The following AOPEP variants were observed in gnomAD, a reference collection of about 807,000 sequenced individuals.
The protein encoded by AOPEP is aminopeptidase O (putative).
A neutral mutation model predicts 98.1 loss-of-function variants in AOPEP; 77 were observed. The observed-to-expected ratio is 0.78, with a 90% CI of 0.65 to 0.95. AOPEP has a LOEUF of 0.95. Ranked by LOEUF, AOPEP falls within the 40% of genes least tolerant of loss-of-function variation. AOPEP has a pLI of 0.00. For missense variants in AOPEP, 1,024 were observed against 1,024.7 expected (o/e 1.00, Z 0.01); for synonymous variants, 346 against 365.3 (o/e 0.95, Z 0.60).
chr9:94,775,798 C>A (rs1249286050), intron 3 of AOPEP, among the ~76,000 whole-genome samples: 1 of 151,936 alleles, frequency 6.6e-6, no homozygotes, highest in Non-Finnish European at 1.5e-5. Flanking sequence ...CACGGTGAAA[C>A]CCCATCTCTA....
intron 7 of AOPEP, among the ~76,000 whole-genome samples, chr9:94,948,431 T>TTTTTTTTTTTTTGAGAC: frequency 6.6e-6 from 1 of 151,274 alleles, no homozygotes; most frequent in African/African-American, 2.5e-5. Flanking sequence ...TTCTAACTCT[T>TTTTTTTTTTTTTGAGAC]GTAGTTCATC....
intron 9 of AOPEP, among the ~76,000 whole-genome samples, chr9:94,961,696 A>G (rs1053789816): frequency 2.6e-5 from 4 of 151,524 alleles, no homozygotes; most frequent in East Asian, 2.0e-4. Context: ...TTATGTTTTT[A>G]TTTTTTCTGT....
chr9:94,960,984 G>C (rs7864171), intron 9 of AOPEP, among the ~76,000 whole-genome samples: 4 of 150,002 alleles, frequency 2.7e-5, no homozygotes, highest in African/African-American at 4.9e-5. Flanking sequence ...ACTGCACTCC[G>C]GCCTGGGCGA....
chr9:94,816,294 G>A (rs1470876011), intron 5 of AOPEP, among the ~76,000 whole-genome samples: 1 of 152,158 alleles, frequency 6.6e-6, no homozygotes, highest in Non-Finnish European at 1.5e-5. Context: ...ATAAGCCTTG[G>A]CCTCCACGCA....
intron 13 of AOPEP, among the ~76,000 whole-genome samples, chr9:95,032,961 T>TA (rs2064448321): frequency 6.6e-6 from 1 of 152,184 alleles, no homozygotes; most frequent in Non-Finnish European, 1.5e-5. Context: ...GCTAGAACAC[T>TA]AGAGTTCATT....
intron 2 of AOPEP, among the ~76,000 whole-genome samples, chr9:94,763,997 C>A (rs1469842797): frequency 6.6e-6 from 1 of 152,150 alleles, no homozygotes; most frequent in Non-Finnish European, 1.5e-5. Context: ...GTGGACTATA[C>A]AGTCAGTGAC....
chr9:94,822,993 CTT>C lies in AOPEP; in HGVS notation c.1364+22003_1364+22004del, dbSNP rs11315524. ...CAATTTCACTCACCTGTCCCCTAAT[CTT>C]TTTTTTTTTTTCTTTTGTGAGATGG... On this transcript the variant is annotated intron_variant, in intron 5 of 16. Coordinates refer to ENST00000375315, the MANE Select transcript of AOPEP (RefSeq NM_001193329.3). Among the ~76,000 whole-genome samples, 93 of 146,300 alleles carry C rather than the reference CTT, an allele frequency of 6.4e-4. 1 individual carries two copies. Among genetic ancestry groups the C allele is most frequent in the African/African-American group, 1.1e-3 (43 of 39,898 alleles).
intron 10 of AOPEP, among the ~76,000 whole-genome samples, chr9:94,969,561 C>G (rs1337344460): frequency 1.3e-5 from 2 of 152,044 alleles, no homozygotes; most frequent in Non-Finnish European, 2.9e-5. Context: ...GCGCCCGCCA[C>G]CACGCCCGGC....
intron 11 of AOPEP, among the ~76,000 whole-genome samples, chr9:94,998,708 A>G (rs1476325256): frequency 1.3e-5 from 2 of 152,244 alleles, no homozygotes; most frequent in Admixed American, 6.5e-5. Context: ...TCCTGAGGAC[A>G]GGGACAACGT....
chr9:94,890,518 G>A (rs1457267842), intron 5 of AOPEP, among the ~76,000 whole-genome samples: 1 of 152,150 alleles, frequency 6.6e-6, no homozygotes, highest in African/African-American at 2.4e-5. Context: ...AGTGATTTGT[G>A]TTCTAATCTT....
intron 16 of AOPEP, among the ~76,000 whole-genome samples, chr9:95,084,232 CTAA>C (rs1441407807): frequency 6.6e-6 from 1 of 152,148 alleles, no homozygotes; most frequent in East Asian, 1.9e-4. Context: ...GAGTTTTCTT[CTAA>C]TGTTTTGTGC....
intron 14 of AOPEP, among the ~76,000 whole-genome samples, chr9:95,064,324 T>G (rs1415677288): frequency 6.6e-6 from 1 of 152,244 alleles, no homozygotes; most frequent in Non-Finnish European, 1.5e-5. Flanking sequence ...AGACGGAGTC[T>G]CGCTGTGTCT....
chr9:94,973,001 G>A (rs1249173749), intron 10 of AOPEP, among the ~76,000 whole-genome samples: 2 of 152,214 alleles, frequency 1.3e-5, no homozygotes, highest in East Asian at 3.9e-4. Flanking sequence ...CATGTAGAGA[G>A]GGAATTTAAA....
the AOPEP span, chr9:95,111,012 C>T: frequency 7.0e-7 from 1 of 1,435,606 alleles, no homozygotes; most frequent in Non-Finnish European, 9.1e-7. Flanking sequence ...GATCTGTTGA[C>T]TGATCCAAGA....
chr9:94,989,312 G>A lies in AOPEP; in HGVS notation c.1977+9885G>A, dbSNP rs192251265. ...AGAGACGGGGTTTCACTGTGTTAGC[G>A]AGGATGGTCTTGATCTCCTGACCTC... On this transcript the variant is annotated intron_variant, in intron 11 of 16. Coordinates refer to ENST00000375315, the MANE Select transcript of AOPEP (RefSeq NM_001193329.3). Among the ~76,000 whole-genome samples, 1,048 of 152,010 alleles carry A rather than the reference G, an allele frequency of 6.9e-3. 10 individuals are homozygous for A. The highest frequency in any genetic ancestry group is 0.024 in the African/African-American group (992 of 41,472).
chr9:95,121,288 G>A, the AOPEP span, among the ~76,000 whole-genome samples: 1 of 152,132 alleles, frequency 6.6e-6, no homozygotes. Context: ...GTCTGATAGG[G>A]CATATTGATG....
At chr9:95,016,167 T>C (rs979313804) in intron 13 of AOPEP, among the ~76,000 whole-genome samples, 8 of 151,766 alleles carry the variant, frequency 5.3e-5, no homozygotes, top group Admixed American at 2.0e-4. Flanking sequence ...CCTTTGGTTT[T>C]AAGGCAAAAT....
At chr9:94,833,177 C>A (rs1286298734) in intron 5 of AOPEP, among the ~76,000 whole-genome samples, 1 of 150,642 alleles carries the variant, frequency 6.6e-6, no homozygotes, top group Non-Finnish European at 1.5e-5. Context: ...CTAAAGTGAT[C>A]CACCCGCCTC....
intron 16 of AOPEP, among the ~76,000 whole-genome samples, chr9:95,083,649 C>T (rs1489003078): frequency 6.6e-6 from 1 of 150,966 alleles, no homozygotes; most frequent in Non-Finnish European, 1.5e-5. Flanking sequence ...CCACACACAG[C>T]GCGTGCACCA....
Sources: gnomAD v4.1 joint callset for allele counts (sites outside exome capture counted in the v4.1 genomes callset) on GRCh38, gnomAD v4.1.1 for gene constraint, MANE v1.5 for transcripts, NCBI Gene and HGNC (gene_info 2026-07-23, HGNC 2026-07-21) for gene names.